The following TANGO6 variants were observed in gnomAD, a reference collection of about 807,000 sequenced individuals.
TANGO6 encodes transport and Golgi organization protein 6 homolog.
A neutral mutation model predicts 114.2 loss-of-function variants in TANGO6; 90 were observed. The ratio of observed to expected loss-of-function variants is 0.79; its 90% CI spans 0.66 to 0.94. TANGO6 has a LOEUF of 0.94. Among genes scored for constraint, TANGO6 ranks in the 40% least tolerant of loss-of-function variants. The pLI, the probability that TANGO6 is intolerant of heterozygous loss-of-function variation, is 0.00. For missense variants in TANGO6, 1,274 were observed against 1,315.3 expected (o/e 0.97, Z 0.49); for synonymous variants, 477 against 509.8 (o/e 0.94, Z 0.87).
In TANGO6 at chr16:68,860,332, C is replaced by G. The variant is rs755279453; in HGVS notation, c.543C>G (p.Asp181Glu). The change falls in exon 2 of 18, where the codon GAC (aspartate) becomes GAG (glutamate). Residue 181 changes from aspartate (D) to glutamate (E), a missense_variant. Physicochemically the swap from Asp to Glu is conservative, Grantham distance 45. Around this residue, in one of 5 missense-constraint regions of TANGO6, gnomAD observed 908 missense variants for 910.2 expected, o/e 1.00. Coordinates refer to ENST00000261778, the MANE Select transcript of TANGO6 (RefSeq NM_024562.2). The part of the protein sequence containing the change: ...YRTEFGAVVQ[D>E]VVCFDAAPDA... ...CTGAATTTGGTGCCGTCGTTCAAGA[C>G]GTGGTGTGTTTTGATGCTGCCCCCG... is the stretch of plus-strand genomic sequence containing the variant. The G allele has an allele frequency of 5.0e-6, 8 of 1,613,842 alleles. No individual in the cohort carries two copies. The highest frequency in any genetic ancestry group is 6.8e-6 in the Non-Finnish European group (8 of 1,179,898).
intron 14 of TANGO6, among the ~76,000 whole-genome samples, chr16:68,973,517 G>A (rs542526340): frequency 6.6e-6 from 1 of 152,262 alleles, no homozygotes; most frequent in African/African-American, 2.4e-5. Flanking sequence ...ACTGTTCCAG[G>A]CTACACATTT....
chr16:68,900,362 G>A (rs1028746441), intron 7 of TANGO6, 72 bp from the exon 8 acceptor site: 3 of 1,216,708 alleles, frequency 2.5e-6, no homozygotes, highest in Admixed American at 1.7e-5. Flanking sequence ...CCTGCTAGGT[G>A]TTTGGTGTGT....
chr16:69,037,802 T>TG (rs1460369971), intron 16 of TANGO6, among the ~76,000 whole-genome samples: 1 of 152,208 alleles, frequency 6.6e-6, no homozygotes. Flanking sequence ...GCTGCATGTT[T>TG]GTCTGATAGA....
chr16:68,968,008 A>G (rs79011454), intron 14 of TANGO6, among the ~76,000 whole-genome samples: 66 of 150,968 alleles, frequency 4.4e-4, no homozygotes, highest in Non-Finnish European at 9.2e-4. Flanking sequence ...TTGGGGGAAG[A>G]AAAAAAAACA....
intron 14 of TANGO6, among the ~76,000 whole-genome samples, chr16:68,963,538 G>A (rs1963615283): frequency 6.6e-6 from 1 of 152,156 alleles, no homozygotes; most frequent in Non-Finnish European, 1.5e-5. Context: ...TGCTTACACA[G>A]ACCTCTCTTG....
At chr16:68,929,520 T>C (rs1217868055) in intron 13 of TANGO6, among the ~76,000 whole-genome samples, 2 of 152,166 alleles carry the variant, frequency 1.3e-5, no homozygotes, top group Non-Finnish European at 2.9e-5. Context: ...CAGCATCAAG[T>C]TGATGTCAAG....
intron 8 of TANGO6, 42 bp downstream of exon 8, chr16:68,900,588 G>T: frequency 6.9e-7 from 1 of 1,438,912 alleles, no homozygotes; most frequent in African/African-American, 1.4e-5. Context: ...AAATTGTGAC[G>T]TCTTTTTTGC....
chr16:68,866,244 G>GT (rs547304926), intron 3 of TANGO6, among the ~76,000 whole-genome samples: 3,683 of 142,294 alleles, frequency 0.026, 41 homozygotes, highest in Non-Finnish European at 0.033. Flanking sequence ...GTTTTGTAAA[G>GT]TTTTTTTTTT....
rs975224786 is a variant in TANGO6, at chr16:69,021,675, T to A, written c.2843-1153T>A. On this transcript the variant is annotated intron_variant, in intron 15 of 17. Coordinates refer to ENST00000261778, the MANE Select transcript of TANGO6 (RefSeq NM_024562.2). Reference sequence around the variant, plus strand: ...TTCTCCAGGACCCAAATGCCTTGATTGTTTTTCACTCAATTTGCTTATCCA... The same window carrying A: ...TTCTCCAGGACCCAAATGCCTTGATAGTTTTTCACTCAATTTGCTTATCCA... 4.6e-5 allele frequency among the ~76,000 whole-genome samples: 7 copies of A among 152,180 alleles called. 1 individual carries two copies. The highest frequency in any genetic ancestry group is 1.7e-4 in the African/African-American group (7 of 41,526).
At chr16:69,027,601 G>A (rs796229301) in intron 16 of TANGO6, among the ~76,000 whole-genome samples, 11 of 152,014 alleles carry the variant, frequency 7.2e-5, no homozygotes, top group African/African-American at 2.7e-4. Context: ...GCTTTTATGG[G>A]TCTATTTGGT....
Position 69,015,664 on chromosome 16 carries a change from A to G in TANGO6, c.2843-7164A>G, listed in dbSNP as rs796880355. 1.3e-4 allele frequency among the ~76,000 whole-genome samples: 20 copies of G among 151,570 alleles called. 1 individual carries two copies. Among genetic ancestry groups the G allele is most frequent in the African/African-American group, 3.4e-4 (14 of 41,362 alleles). ...GCCCAGATAATTTTTTGTATTTTTAATAGAGACCGGGTTTCGCCATGTTAG... is the reference window on the plus strand; with the variant it reads ...GCCCAGATAATTTTTTGTATTTTTAGTAGAGACCGGGTTTCGCCATGTTAG... On this transcript the variant is annotated intron_variant, in intron 15 of 17. Transcript: ENST00000261778.
At chr16:68,925,300 A>C (rs925615556) in intron 12 of TANGO6, among the ~76,000 whole-genome samples, 4 of 151,850 alleles carry the variant, frequency 2.6e-5, no homozygotes, top group Non-Finnish European at 4.4e-5. Flanking sequence ...ATAGAGCAAG[A>C]CTCTGTCTCA....
intron 7 of TANGO6, among the ~76,000 whole-genome samples, chr16:68,882,164 C>T (rs1247051751): frequency 6.6e-6 from 1 of 151,990 alleles, no homozygotes; most frequent in Non-Finnish European, 1.5e-5. Context: ...ATGGGCCCAG[C>T]AATTCCACTA....
chr16:68,915,152 C>T (rs1340852772), intron 11 of TANGO6, among the ~76,000 whole-genome samples: 2 of 128,528 alleles, frequency 1.6e-5, no homozygotes, highest in African/African-American at 3.0e-5. Flanking sequence ...CCAGCCTGGG[C>T]GACAGAGCTA....
Position 68,860,466 on chromosome 16 carries a change from G to A in TANGO6, c.677G>A (p.Gly226Asp). ...CACCACTTTGGGGATATCGCAGCAG[G>A]TCTGTGCCAACTGGGATTCTGCCCA... ...FCHHFGDIAA[G>D]LCQLGFCPTK... is the part of the protein sequence containing the mutation. The change falls in exon 2 of 18, where the codon GGT becomes GAT. Residue 226 changes from glycine (G) to aspartate (D), a missense_variant. Gly to Asp is a moderately conservative substitution (Grantham distance 94, BLOSUM62 -1). This residue lies in a region of TANGO6 where 908 missense variants were observed against 910.2 expected (regional missense o/e 1.00). Coordinates refer to ENST00000261778, the MANE Select transcript of TANGO6 (RefSeq NM_024562.2). The A allele has an allele frequency of 6.2e-7, 1 of 1,613,972 alleles. No individual in the cohort carries two copies. Among genetic ancestry groups the A allele is most frequent in the Non-Finnish European group, 8.5e-7 (1 of 1,179,902 alleles).
chr16:68,853,277 A>G (rs889694331), intron 1 of TANGO6, among the ~76,000 whole-genome samples: 2 of 139,738 alleles, frequency 1.4e-5, no homozygotes, highest in Non-Finnish European at 3.1e-5. Context: ...GACTCTGTCT[A>G]AAAAAAAAAA....
chr16:68,843,740 G>C, intron 1 of TANGO6, 29 bp downstream of exon 1: 1 of 1,608,686 alleles, frequency 6.2e-7, no homozygotes, highest in Non-Finnish European at 8.5e-7. Flanking sequence ...GCGCCGGGCT[G>C]GACCCGGGAC....
intron 16 of TANGO6, among the ~76,000 whole-genome samples, chr16:69,025,422 G>A (rs1202093668): frequency 6.6e-6 from 1 of 152,116 alleles, no homozygotes; most frequent in African/African-American, 2.4e-5. Flanking sequence ...ACTGAGTCTG[G>A]GGTCTTCATA....
chr16:68,846,794 C>T (rs1200755032), intron 1 of TANGO6: 1 of 153,948 alleles, frequency 6.5e-6, no homozygotes, highest in Non-Finnish European at 1.4e-5. Flanking sequence ...TGTGAGCCAC[C>T]ACGTCCGGTC....
Sources: gnomAD v4.1 joint callset for allele counts (sites outside exome capture counted in the v4.1 genomes callset) on GRCh38, gnomAD v4.1.1 for gene constraint, gnomAD v4.1.1 regional missense constraint, MANE v1.5 for transcripts, NCBI Gene and HGNC (gene_info 2026-07-23, HGNC 2026-07-21) for gene names.